ZMYM1: variants seen among roughly 807,000 people sequenced by gnomAD.
The protein encoded by ZMYM1 is zinc finger MYM-type containing 1.
Under a neutral mutation model 60.0 loss-of-function variants are expected in ZMYM1, and 39 were observed. The observed-to-expected ratio is 0.65, with a 90% CI of 0.50 to 0.85. The LOEUF is 0.85. Among genes scored for constraint, ZMYM1 ranks in the 40% least tolerant of loss-of-function variants. The pLI, the probability that ZMYM1 is intolerant of heterozygous loss-of-function variation, is 0.00. For missense variants in ZMYM1, 1,171 were observed against 1,309.5 expected, an observed-to-expected ratio of 0.89 and a Z score of 1.63; for synonymous variants, 413 against 454.0, an observed-to-expected ratio of 0.91 and a Z score of 1.15.
At chr1:35,094,763 C>T (rs1039412628) in intron 2 of ZMYM1, among the ~76,000 whole-genome samples, 3 of 152,078 alleles carry the variant, frequency 2.0e-5, no homozygotes, top group South Asian at 2.1e-4. Context: ...ACAGGAGGAT[C>T]GCTTGAGCCC....
chr1:35,118,657 G>A (rs1230179702), downstream of ZMYM1, among the ~76,000 whole-genome samples: 1 of 151,350 alleles, frequency 6.6e-6, no homozygotes, highest in Non-Finnish European at 1.5e-5. Context: ...CAGTGAGCCG[G>A]GATCGCACCA....
chr1:35,093,974 C>T lies in ZMYM1; in HGVS notation c.-14C>T, dbSNP rs763095842. On this transcript the variant is annotated 5_prime_UTR_variant, in exon 2 of 10. Transcript: ENST00000359858. The stretch of plus-strand genomic sequence containing the variant: ...AGTTTGGAACTGGAGAATTCCTTTG[C>T]ATCAGATACTAAAATGAAAGAACCA... 2.8e-5 allele frequency: 44 copies of T among 1,581,996 alleles called. No homozygotes were observed. Among genetic ancestry groups the T allele is most frequent in the Non-Finnish European group, 3.7e-5 (43 of 1,162,628 alleles).
intron 6 of ZMYM1, 115 bp from the exon 7 acceptor site, chr1:35,110,179 T>G: frequency 1.3e-6 from 1 of 770,568 alleles, no homozygotes; most frequent in Non-Finnish European, 1.8e-6. Flanking sequence ...ATGTAAAAAC[T>G]GTCTTAATTG....
intron 7 of ZMYM1, among the ~76,000 whole-genome samples, 193 bp downstream of exon 7, chr1:35,110,640 A>G (rs778028207): frequency 7.9e-5 from 12 of 152,134 alleles, no homozygotes; most frequent in Non-Finnish European, 1.6e-4. Context: ...CAGAGATTTA[A>G]TATTTGTAGG....
chr1:35,106,872 G>A (rs984787379), intron 6 of ZMYM1, among the ~76,000 whole-genome samples: 2 of 151,106 alleles, frequency 1.3e-5, no homozygotes, highest in East Asian at 2.0e-4. Flanking sequence ...TGTTTTTTGA[G>A]ACGGAGTCTC....
chr1:35,086,958 C>G (rs1487458130), intron 1 of ZMYM1, among the ~76,000 whole-genome samples: 2 of 145,996 alleles, frequency 1.4e-5, no homozygotes, highest in African/African-American at 5.1e-5. Flanking sequence ...GCTGGGATTA[C>G]AGGCATGAGC....
chr1:35,088,683 A>C (rs1219302045), intron 1 of ZMYM1, among the ~76,000 whole-genome samples: 3 of 151,060 alleles, frequency 2.0e-5, no homozygotes, highest in Admixed American at 1.3e-4. Flanking sequence ...TTTTACTCTA[A>C]TGTGCATCTT....
rs192061471 is a variant in ZMYM1 at position 35,104,733 on chromosome 1, C to T, written c.771C>T (p.Tyr257=). The T allele has an allele frequency of 2.7e-5, 43 of 1,614,104 alleles. No homozygotes were observed. The African/African-American group carries it at 5.6e-4, about 21-fold the overall frequency. The change falls in exon 6 of 10, where the codon TAC becomes TAT. Residue 257 remains tyrosine, a synonymous_variant. Coordinates refer to ENST00000359858, the MANE Select transcript of ZMYM1 (RefSeq NM_024772.5). Reference sequence around the variant, plus strand: ...TTCAGATGGAAGGACAGTCTCATTACTTTAATAGTTCAAAGAGTATTACAG... The same window carrying T: ...TTCAGATGGAAGGACAGTCTCATTATTTTAATAGTTCAAAGAGTATTACAG... ...HILQMEGQSH[Y]FNSSKSITAY... is the part of the protein sequence containing the mutation.
Position 35,113,078 on chromosome 1 carries a change from A to T in ZMYM1, c.1248A>T (p.Ala416=). ...SPSSSVFSQH[A]IGSSTEVQKD... is the part of the protein sequence containing the mutation. ...CTTCATCAGTATTCAGTCAGCATGCAATTGGTTCCAGTACAGAAGTACAAA... is the reference window on the plus strand; with the variant it reads ...CTTCATCAGTATTCAGTCAGCATGCTATTGGTTCCAGTACAGAAGTACAAA... The change falls in exon 10 of 10, where the codon GCA becomes GCT. Residue 416 remains alanine, a synonymous_variant. Coordinates refer to ENST00000359858, the MANE Select transcript of ZMYM1 (RefSeq NM_024772.5). The T allele has an allele frequency of 6.2e-7, 1 of 1,614,086 alleles. No individual in the cohort carries two copies. Among genetic ancestry groups the T allele is most frequent in the Non-Finnish European group, 8.5e-7 (1 of 1,179,962 alleles).
chr1:35,097,308 T>C lies in ZMYM1; in HGVS notation c.170-9T>C. ...ACAATTTTTTTTTCTCCCTCTTGTGTTTTTATAGCTTCACAGTTGACTGCA... is the reference window on the plus strand; with the variant it reads ...ACAATTTTTTTTTCTCCCTCTTGTGCTTTTATAGCTTCACAGTTGACTGCA... On this transcript the variant is annotated splice_polypyrimidine_tract_variant and intron_variant, in intron 3 of 9. Coordinates refer to ENST00000359858, the MANE Select transcript of ZMYM1 (RefSeq NM_024772.5). 6.4e-7 allele frequency: 1 copy of C among 1,567,786 alleles called. No homozygotes were observed. Among genetic ancestry groups the C allele is most frequent in the East Asian group, 2.2e-5 (1 of 44,470 alleles).
intron 3 of ZMYM1, among the ~76,000 whole-genome samples, chr1:35,096,563 C>T (rs569747037): frequency 1.6e-4 from 24 of 150,308 alleles, no homozygotes; most frequent in African/African-American, 2.7e-4. Context: ...ATGGAGTTTC[C>T]GCTCTTGTTG....
At chr1:35,111,423 A>G (rs895780732) in intron 7 of ZMYM1, among the ~76,000 whole-genome samples, 1 of 152,220 alleles carries the variant, frequency 6.6e-6, no homozygotes, top group Non-Finnish European at 1.5e-5. Flanking sequence ...AGAGTTTGAA[A>G]TAGATGCCCA....
At chr1:35,079,083 A>T (rs1642232324), upstream of ZMYM1, 2 of 152,152 alleles carry the variant, frequency 1.3e-5, no homozygotes, top group Admixed American at 6.5e-5. Context: ...GGAGATTTAT[A>T]GAAGTTGTCA....
intron 3 of ZMYM1, among the ~76,000 whole-genome samples, 170 bp from the exon 4 acceptor site, chr1:35,097,147 G>A (rs1034839633): frequency 2.0e-5 from 3 of 152,096 alleles, no homozygotes; most frequent in African/African-American, 7.2e-5. Context: ...TTGAGTACAG[G>A]GTGTCAAGGC....
chr1:35,081,308 G>C (rs1464392410), intron 1 of ZMYM1, among the ~76,000 whole-genome samples: 1 of 148,242 alleles, frequency 6.7e-6, no homozygotes, highest in East Asian at 2.0e-4. Context: ...TCCAGACTCT[G>C]TTTTGTTTTT....
downstream of ZMYM1, among the ~76,000 whole-genome samples, chr1:35,116,719 A>G (rs1003746791): frequency 6.6e-6 from 1 of 152,146 alleles, no homozygotes; most frequent in Non-Finnish European, 1.5e-5. Flanking sequence ...GGGCCTCCCA[A>G]AGTGCTGGGA....
At chr1:35,062,997 T>C (rs1188174281) in intron 1 of ZMYM1, among the ~76,000 whole-genome samples, 2 of 152,152 alleles carry the variant, frequency 1.3e-5, no homozygotes, top group African/African-American at 2.4e-5. Context: ...GTGCTTCTGG[T>C]CTAGTGGCTT....
At chr1:35,068,551 T>A (rs1459407782) in intron 1 of ZMYM1, among the ~76,000 whole-genome samples, 1 of 151,062 alleles carries the variant, frequency 6.6e-6, no homozygotes, top group African/African-American at 2.4e-5. Context: ...TATGGCCAAT[T>A]GATTTTTGAC....
In ZMYM1 at chr1:35,113,269, G is replaced by A; in HGVS notation, c.1439G>A (p.Cys480Tyr). 3.7e-6 allele frequency: 6 copies of A among 1,612,922 alleles called. No individual in the cohort carries two copies. The highest frequency in any genetic ancestry group is 5.1e-6 in the Non-Finnish European group (6 of 1,179,016). ...AAAGATGTGGCATTCTGTTATTCAT[G>A]CCAGTTGTTCTGCCAAAAATATTTT... ...SKKDVAFCYS[C>Y]QLFCQKYFSC... Residue 480 changes from cysteine (C) to tyrosine (Y), a missense_variant, in exon 10 of 10, where the codon TGC becomes TAC. Coordinates refer to ENST00000359858, the MANE Select transcript of ZMYM1 (RefSeq NM_024772.5).
Sources: allele counts gnomAD v4.1 joint callset (sites outside exome capture counted in the v4.1 genomes callset), GRCh38; gene constraint gnomAD v4.1.1; transcripts MANE v1.5; gene names NCBI Gene and HGNC (gene_info 2026-07-23, HGNC 2026-07-21).